COL12A1: variants seen among roughly 807,000 people sequenced by gnomAD.
COL12A1 encodes the protein collagen type XII alpha 1 chain.
COL12A1 carries 114 observed loss-of-function variants against 349.7 expected under a neutral mutation model. The observed-to-expected ratio is 0.33, with a 90% CI of 0.28 to 0.38. The LOEUF (loss-of-function observed/expected upper bound fraction) is 0.38. COL12A1 is among the 10% of genes least tolerant of loss of function. The pLI, the probability that COL12A1 is intolerant of heterozygous loss-of-function variation, is 1.00. For synonymous variants in COL12A1, 1,369 were observed against 1,329.0 expected (o/e 1.03, Z -0.66); for missense variants, 3,284 against 3,756.9 (o/e 0.87, Z 3.29).
chr6:75,183,437 C>T lies in COL12A1; in HGVS notation c.1504G>A (p.Asp502Asn). ...AAGGTGTTTATTGCTTCAATTATAT[C>T]TTCAACTTTGGTGAATTTTTTCAAA... ...FTLKKFTKVEDIIEAINTFPY... is the reference protein window; with the variant it reads ...FTLKKFTKVENIIEAINTFPY... The change falls in exon 10 of 66, where the codon GAT (aspartate) becomes AAT (asparagine). Residue 502 changes from aspartate (D) to asparagine (N), a missense_variant. By Grantham distance (23) the Asp-to-Asn change is conservative. This residue lies in a region of COL12A1 where 2,601 missense variants were observed against 2,824.8 expected (regional missense o/e 0.92). Coordinates refer to ENST00000322507, the MANE Select transcript of COL12A1 (RefSeq NM_004370.6). The T allele has an allele frequency of 6.2e-7, 1 of 1,614,186 alleles. No homozygotes were observed.
chr6:75,154,021 A>G (rs1046199809), intron 17 of COL12A1, among the ~76,000 whole-genome samples: 9 of 152,056 alleles, frequency 5.9e-5, no homozygotes, highest in Non-Finnish European at 1.3e-4. Flanking sequence ...ATTATGCAAT[A>G]ATGCATAATT....
chr6:75,118,029 G>T (rs1039269658), intron 46 of COL12A1, among the ~76,000 whole-genome samples: 2 of 152,054 alleles, frequency 1.3e-5, no homozygotes, highest in Non-Finnish European at 2.9e-5. Flanking sequence ...CAACAGACGG[G>T]CTATGACAAA....
rs560758674 is a variant in COL12A1, at chr6:75,185,915, C to T, written c.998-1771G>A. 1.8e-4 allele frequency among the ~76,000 whole-genome samples: 27 copies of T among 152,178 alleles called. No homozygotes were observed. The South Asian group carries it at 3.5e-3, about 20-fold the overall frequency. On this transcript the variant is annotated intron_variant, in intron 8 of 65. Transcript: ENST00000322507. The stretch of plus-strand genomic sequence containing the variant: ...GTGCTCAGATAACTGGCTAGCCATA[C>T]GCAAAAGACTGAATCTGGACTCCTT...
rs562859352 is a variant in COL12A1 at position 75,187,089 on chromosome 6, A to G, written c.997+1273T>C. Among the ~76,000 whole-genome samples, 20 of 152,052 alleles carry G rather than the reference A, an allele frequency of 1.3e-4. No individual in the cohort carries two copies. The East Asian group carries it at 3.3e-3, about 25-fold the overall frequency. On this transcript the variant is annotated intron_variant, in intron 8 of 65. Transcript: ENST00000322507. ...CCCCATGAAACAAGTTTATCTATGT[A>G]ACAAACCTGTACATGTACCCCTGAA...
chr6:75,179,458 T>C (rs1303035900), intron 11 of COL12A1, among the ~76,000 whole-genome samples: 1 of 151,322 alleles, frequency 6.6e-6, no homozygotes, highest in African/African-American at 2.4e-5. Flanking sequence ...CTCCCTTATA[T>C]GACCACAAGT....
At chr6:75,143,182 T>TG in intron 26 of COL12A1, 70 bp downstream of exon 26, 1 of 1,562,788 alleles carries the variant, frequency 6.4e-7, no homozygotes, top group South Asian at 1.1e-5. Flanking sequence ...CATCCATACT[T>TG]GATAAAGTTC....
intron 14 of COL12A1, among the ~76,000 whole-genome samples, chr6:75,159,658 T>A (rs1767933279): frequency 6.6e-6 from 1 of 151,760 alleles, no homozygotes; most frequent in Non-Finnish European, 1.5e-5. Flanking sequence ...TCATCTTTTG[T>A]TTCATCTCTT....
intron 65 of COL12A1, among the ~76,000 whole-genome samples, 167 bp from the exon 66 acceptor site, chr6:75,086,724 T>A (rs553762588): frequency 6.6e-6 from 1 of 151,088 alleles, no homozygotes; most frequent in African/African-American, 2.4e-5. Context: ...GTAATTTAAA[T>A]TTATAAAGAA....
chr6:75,118,062 A>G (rs556910343), intron 46 of COL12A1, among the ~76,000 whole-genome samples: 4 of 152,338 alleles, frequency 2.6e-5, no homozygotes, highest in South Asian at 2.1e-4. Context: ...GGCTATGACA[A>G]ATAAGCACAT....
At chr6:75,131,354 C>T (rs929320656) in intron 35 of COL12A1, among the ~76,000 whole-genome samples, 2 of 152,158 alleles carry the variant, frequency 1.3e-5, no homozygotes, top group Non-Finnish European at 2.9e-5. Flanking sequence ...GAAATAGAGA[C>T]TCCATACAAT....
chr6:75,177,782 T>C lies in COL12A1; in HGVS notation c.2318A>G (p.Asn773Ser), dbSNP rs1769041189. ...GESREVTTPPNQRRRTLENLI... is the reference protein window; with the variant it reads ...GESREVTTPPSQRRRTLENLI... ...GTTCTCCAGTGTTCTCCTCCTCTGA[T>C]TGGGTGGGGTGGTAACTTCTCTGCT... is the stretch of plus-strand genomic sequence containing the variant. The change falls in exon 12 of 66, where the codon AAT becomes AGT. Residue 773 changes from asparagine to serine, a missense_variant. Coordinates refer to ENST00000322507, the MANE Select transcript of COL12A1 (RefSeq NM_004370.6). The C allele has an allele frequency of 6.2e-7, 1 of 1,614,090 alleles. No homozygotes were observed.
intron 1 of COL12A1, among the ~76,000 whole-genome samples, chr6:75,205,413 G>A (rs962819741): frequency 6.6e-6 from 1 of 151,616 alleles, no homozygotes; most frequent in Non-Finnish European, 1.5e-5. Context: ...CCCCGACAAA[G>A]CCACAGCCGC....
At position 75,138,475 on chromosome 6, in the gene COL12A1, C is replaced by T; in HGVS notation, c.5203G>A (p.Asp1735Asn). Residue 1735 changes from aspartate to asparagine, a missense_variant, in exon 29 of 66, where the codon GAT becomes AAT. Coordinates refer to ENST00000322507, the MANE Select transcript of COL12A1 (RefSeq NM_004370.6). ...GTGCGCTCACTGCCAATCAGGTCAT[C>T]ACTTTCTGACTCATCAGGATAGATG... is the stretch of plus-strand genomic sequence containing the variant. ...TAIYPDESES[D>N]DLIGSERTLP... 1 of 1,613,950 alleles carries T rather than the reference C, an allele frequency of 6.2e-7. No homozygotes were observed. The highest frequency in any genetic ancestry group is 8.5e-7 in the Non-Finnish European group (1 of 1,179,926).
chr6:75,089,078 T>C lies in COL12A1; in HGVS notation c.9010+28A>G, dbSNP rs558202712. The C allele has an allele frequency of 1.4e-4, 212 of 1,533,490 alleles. 1 individual carries two copies. In the East Asian group the frequency reaches 4.4e-3, roughly 32 times the overall value. The allele number at this position is 1,533,490 out of a possible 1,614,324, so 95.0% of individuals were successfully genotyped here. A position where few individuals can be genotyped will look rare whatever the true frequency, so the allele number is the denominator to read the frequency against. On this transcript the variant is annotated intron_variant, in intron 64 of 65. Coordinates refer to ENST00000322507, the MANE Select transcript of COL12A1 (RefSeq NM_004370.6). ...GTGCCCTCTCGGTATTTATAGTCTT[T>C]GCCTGTTTAAAATACTAGCAAACCT...
At chr6:75,101,795 C>T in intron 57 of COL12A1, 142 bp from the exon 58 acceptor site, 1 of 1,023,690 alleles carries the variant, frequency 9.8e-7, no homozygotes, top group Non-Finnish European at 1.5e-6. Flanking sequence ...CATTGCCAAG[C>T]ATACAGTAGA....
intron 24 of COL12A1, among the ~76,000 whole-genome samples, 156 bp from the exon 25 acceptor site, chr6:75,145,611 C>CTTTTTTTTTTTTTTTTTTTTTTTTTT (rs56698330): frequency 1.7e-5 from 2 of 121,192 alleles, no homozygotes; most frequent in African/African-American, 6.3e-5. Flanking sequence ...CTGATGTTTT[C>CTTTTTTTTTTTTTTTTTTTTTTTTTT]TTTTTTTTTT....
Position 75,145,439 on chromosome 6 carries a change from G to A in COL12A1, c.4577C>T (p.Thr1526Ile). ...GTCAGTCAGCTGCATGTCATTCACT[G>A]TTGGCCCCAAACGCACCTGCACATG... ...TRPKEVRLGP[T>I]VNDMQLTDLV... is the part of the protein sequence containing the mutation. Residue 1526 changes from threonine to isoleucine, a missense_variant, in exon 25 of 66, where the codon ACA becomes ATA. Thr to Ile is a moderately conservative substitution (Grantham distance 89). Coordinates refer to ENST00000322507, the MANE Select transcript of COL12A1 (RefSeq NM_004370.6). 6.2e-7 allele frequency: 1 copy of A among 1,613,788 alleles called. No individual in the cohort carries two copies. Among genetic ancestry groups the A allele is most frequent in the Non-Finnish European group, 8.5e-7 (1 of 1,179,812 alleles).
chr6:75,176,653 T>C (rs1392417714), intron 12 of COL12A1, among the ~76,000 whole-genome samples: 1 of 152,220 alleles, frequency 6.6e-6, no homozygotes, highest in Non-Finnish European at 1.5e-5. Context: ...GTGGTCTTGA[T>C]TTATTATTTA....
chr6:75,176,749 A>G (rs1768980024), intron 12 of COL12A1, among the ~76,000 whole-genome samples: 1 of 152,208 alleles, frequency 6.6e-6, no homozygotes, highest in Admixed American at 6.5e-5. Context: ...AAAATATATG[A>G]AAAGCTCTTT....
Sources: allele counts gnomAD v4.1 joint callset (sites outside exome capture counted in the v4.1 genomes callset), GRCh38; gene constraint gnomAD v4.1.1; regional missense constraint gnomAD v4.1.1; transcripts MANE v1.5; gene names NCBI Gene and HGNC (gene_info 2026-07-23, HGNC 2026-07-21).